ZFAT: variants seen among roughly 807,000 people sequenced by gnomAD.
The protein encoded by ZFAT is zinc finger and AT-hook domain containing.
In ZFAT, 64 loss-of-function variants were observed where a neutral mutation model predicts 117.7. The observed-to-expected ratio is 0.54, with a 90% confidence interval of 0.44 to 0.67. The LOEUF is 0.67. Among genes scored for constraint, ZFAT ranks in the 30% least tolerant of loss-of-function variants. The pLI is 0.00. For synonymous variants in ZFAT, 679 were observed against 615.0 expected (o/e 1.10, Z -1.54); for missense variants, 1,433 against 1,584.5 (o/e 0.90, Z 1.62).
At chr8:134,669,493 T>G (rs1440925315) in intron 1 of ZFAT, among the ~76,000 whole-genome samples, 6 of 152,132 alleles carry the variant, frequency 3.9e-5, no homozygotes, top group Non-Finnish European at 5.9e-5. Flanking sequence ...TTTCAAATCC[T>G]GCCAAACTAA....
At chr8:134,680,065 C>T (rs1291473908) in intron 1 of ZFAT, among the ~76,000 whole-genome samples, 1 of 151,354 alleles carries the variant, frequency 6.6e-6, no homozygotes, top group Non-Finnish European at 1.5e-5. Context: ...ATGTTCTGTA[C>T]ATGTACCCCT....
At chr8:134,576,842 C>G (rs1825348128) in intron 10 of ZFAT, among the ~76,000 whole-genome samples, 1 of 152,130 alleles carries the variant, frequency 6.6e-6, no homozygotes, top group Non-Finnish European at 1.5e-5. Flanking sequence ...GTGCTTGAAG[C>G]CTGGATAATT....
chr8:134,758,204 G>C, the ZFAT span, among the ~76,000 whole-genome samples: 1 of 152,204 alleles, frequency 6.6e-6, no homozygotes, highest in South Asian at 2.1e-4. Flanking sequence ...GCTCTTATTA[G>C]CCTGGGGCTA....
At chr8:134,693,551 T>A (rs1304479496) in intron 1 of ZFAT, among the ~76,000 whole-genome samples, 2 of 151,056 alleles carry the variant, frequency 1.3e-5, no homozygotes, top group Admixed American at 6.6e-5. Context: ...TCACAATGCA[T>A]GCCTGTATCA....
At chr8:134,516,049 T>G (rs577476122) in intron 13 of ZFAT, among the ~76,000 whole-genome samples, 2 of 152,358 alleles carry the variant, frequency 1.3e-5, no homozygotes, top group East Asian at 3.9e-4. Flanking sequence ...TTAGAACTGA[T>G]TAATATGTCT....
chr8:134,661,674 G>A (rs1005835126), intron 1 of ZFAT, among the ~76,000 whole-genome samples: 2 of 152,188 alleles, frequency 1.3e-5, no homozygotes, highest in African/African-American at 2.4e-5. Flanking sequence ...GAGCAGAGAT[G>A]ATGGCCTGAG....
chr8:134,707,747 C>A (rs944068908), intron 1 of ZFAT, among the ~76,000 whole-genome samples: 3 of 152,354 alleles, frequency 2.0e-5, no homozygotes, highest in Admixed American at 2.0e-4. Flanking sequence ...AAGGCCAGGT[C>A]CCTACCCCAC....
At chr8:134,824,040 C>T in the ZFAT span, among the ~76,000 whole-genome samples, 4 of 152,084 alleles carry the variant, frequency 2.6e-5, no homozygotes, top group Non-Finnish European at 4.4e-5. Context: ...TGAATAAACA[C>T]CAAGTAGTAT....
the ZFAT span, chr8:134,797,309 C>G: frequency 6.6e-6 from 1 of 151,988 alleles, no homozygotes; most frequent in African/African-American, 2.4e-5. Flanking sequence ...ACTGGGATAT[C>G]GAAATAAAAG....
At chr8:134,710,373 G>C (rs1484240055) in intron 1 of ZFAT, among the ~76,000 whole-genome samples, 1 of 152,180 alleles carries the variant, frequency 6.6e-6, no homozygotes, top group Non-Finnish European at 1.5e-5. Flanking sequence ...GTCTCCAATG[G>C]ACTAATGCCA....
At chr8:134,595,052 AT>A (rs929867363) in intron 7 of ZFAT, among the ~76,000 whole-genome samples, 8 of 152,230 alleles carry the variant, frequency 5.3e-5, no homozygotes, top group African/African-American at 1.9e-4. Context: ...CATAACAATT[AT>A]CCCCATGAGA....
the ZFAT span, among the ~76,000 whole-genome samples, chr8:134,829,603 G>A: frequency 6.6e-6 from 1 of 152,196 alleles, no homozygotes; most frequent in East Asian, 1.9e-4. Flanking sequence ...ACCATTTAAA[G>A]GGATTAAGTA....
the ZFAT span, among the ~76,000 whole-genome samples, chr8:134,776,111 C>T: frequency 6.6e-5 from 10 of 152,162 alleles, no homozygotes; most frequent in Admixed American, 2.0e-4. Context: ...TAAATAGAAA[C>T]AGAAGATCCT....
intron 2 of ZFAT, among the ~76,000 whole-genome samples, chr8:134,649,999 T>C (rs906064903): frequency 2.6e-5 from 4 of 152,208 alleles, no homozygotes; most frequent in Non-Finnish European, 5.9e-5. Context: ...ACTCACTCTG[T>C]CCTGCTGCCC....
chr8:134,527,033 T>C (rs1821072835), intron 12 of ZFAT, among the ~76,000 whole-genome samples: 1 of 151,826 alleles, frequency 6.6e-6, no homozygotes, highest in Non-Finnish European at 1.5e-5. Context: ...GGGAGGTCAT[T>C]CTGGTTTCTC....
Position 134,512,548 on chromosome 8 carries a change from C to T in ZFAT, c.3288G>A (p.Glu1096=). 6.2e-7 allele frequency: 1 copy of T among 1,613,998 alleles called. No homozygotes were observed. The highest frequency in any genetic ancestry group is 8.5e-7 in the Non-Finnish European group (1 of 1,179,892). The change falls in exon 14 of 16, where the codon GAG becomes GAA. Residue 1096 remains glutamate (E), a synonymous_variant. Transcript: ENST00000377838. ...GTGTCCCTTGAACGTCTTCTTCGGCCTCTGTGATGTGGAGATACTGGGTGG... is the reference window on the plus strand; with the variant it reads ...GTGTCCCTTGAACGTCTTCTTCGGCTTCTGTGATGTGGAGATACTGGGTGG... ...EPSTQYLHIT[E]AEEDVQGTQA...
the ZFAT span, among the ~76,000 whole-genome samples, chr8:134,751,298 G>T: frequency 6.6e-6 from 1 of 152,204 alleles, no homozygotes; most frequent in African/African-American, 2.4e-5. Context: ...GGGTCAGGGG[G>T]CTCCAAGACC....
chr8:134,609,056 T>C (rs1252801398), intron 4 of ZFAT, among the ~76,000 whole-genome samples, 177 bp from the exon 5 acceptor site: 3 of 152,132 alleles, frequency 2.0e-5, no homozygotes, highest in Non-Finnish European at 4.4e-5. Flanking sequence ...TGTGAGTGTG[T>C]GCATGTGTTT....
chr8:134,760,517 A>T, the ZFAT span, among the ~76,000 whole-genome samples: 5 of 152,204 alleles, frequency 3.3e-5, no homozygotes, highest in African/African-American at 1.2e-4. Flanking sequence ...AGAAGACTAG[A>T]TAAAATTGTC....
Sources: allele counts gnomAD v4.1 joint callset (sites outside exome capture counted in the v4.1 genomes callset), GRCh38; gene constraint gnomAD v4.1.1; transcripts MANE v1.5; gene names NCBI Gene and HGNC (gene_info 2026-07-23, HGNC 2026-07-21).